ENTREP1: variants seen among roughly 807,000 people sequenced by gnomAD.
The protein encoded by ENTREP1 is Friedreich ataxia region gene X123.
At chr9:69,350,739 A>T in the ENTREP1 span, among the ~76,000 whole-genome samples, 8 of 152,156 alleles carry the variant, frequency 5.3e-5, no homozygotes, top group Admixed American at 1.3e-4. Flanking sequence ...AATAGGCTGG[A>T]TATAGAATCC....
At chr9:69,381,712 A>T in the ENTREP1 span, 1 of 152,204 alleles carries the variant, frequency 6.6e-6, no homozygotes, top group Non-Finnish European at 1.5e-5. Context: ...ATTTCCCTCC[A>T]CAGACCCTTG....
the ENTREP1 span, chr9:69,388,312 G>C: frequency 1.2e-6 from 2 of 1,614,192 alleles, no homozygotes; most frequent in Non-Finnish European, 1.7e-6. Context: ...CCAAGCTGCT[G>C]GTGGCGAGGT....
At chr9:69,342,992 A>G in the ENTREP1 span, among the ~76,000 whole-genome samples, 1 of 152,252 alleles carries the variant, frequency 6.6e-6, no homozygotes, top group Non-Finnish European at 1.5e-5. Context: ...AGACCTGGGC[A>G]GTACCTTGTT....
At chr9:69,383,258 T>C in the ENTREP1 span, 1 of 671,636 alleles carries the variant, frequency 1.5e-6, no homozygotes, top group Non-Finnish European at 1.9e-6. Context: ...CATCTTTATC[T>C]AGTTCCAAAG....
At chr9:69,343,919 C>T in the ENTREP1 span, among the ~76,000 whole-genome samples, 1 of 152,136 alleles carries the variant, frequency 6.6e-6, no homozygotes, top group Non-Finnish European at 1.5e-5. Context: ...TAGCTTGGAC[C>T]AACCAATGTA....
chr9:69,387,626 G>T, the ENTREP1 span: 1 of 251,340 alleles, frequency 4.0e-6, no homozygotes, highest in Non-Finnish European at 7.8e-6. Context: ...TCATATCCAT[G>T]GTGTGAGCAT....
chr9:69,337,693 G>A, the ENTREP1 span, among the ~76,000 whole-genome samples: 151,634 of 152,268 alleles, frequency 1, 75,502 homozygotes, highest in East Asian at 1. Flanking sequence ...CTTACCATTT[G>A]AAGTGGATCA....
chr9:69,387,772 TCGCTCC>T, the ENTREP1 span: 1 of 604,446 alleles, frequency 1.7e-6, no homozygotes, highest in Non-Finnish European at 2.5e-6. Context: ...TACTTCATCC[TCGCTCC>T]TTGGAACATC....
the ENTREP1 span, among the ~76,000 whole-genome samples, chr9:69,364,948 T>C: frequency 2.0e-5 from 3 of 152,104 alleles, no homozygotes; most frequent in South Asian, 4.1e-4. Context: ...AGGAGGGAAA[T>C]GAAGCCTACC....
chr9:69,358,616 A>G, the ENTREP1 span, among the ~76,000 whole-genome samples: 8 of 152,210 alleles, frequency 5.3e-5, no homozygotes, highest in Non-Finnish European at 8.8e-5. Flanking sequence ...AAGACAAAAC[A>G]GAGTGTGAAA....
At chr9:69,355,311 T>C in the ENTREP1 span, among the ~76,000 whole-genome samples, 2 of 152,218 alleles carry the variant, frequency 1.3e-5, no homozygotes. Context: ...AGCACCTGCT[T>C]TGTGTCAGGC....
the ENTREP1 span, among the ~76,000 whole-genome samples, chr9:69,360,508 A>T: frequency 6.6e-6 from 1 of 152,170 alleles, no homozygotes; most frequent in Non-Finnish European, 1.5e-5. Context: ...AACAAAGGTT[A>T]ACTTGTTCAA....
the ENTREP1 span, chr9:69,375,730 G>A: frequency 1.2e-5 from 20 of 1,608,788 alleles, no homozygotes; most frequent in African/African-American, 1.2e-4. Context: ...CCTTTCCTCC[G>A]TTAAGGTGGA....
the ENTREP1 span, among the ~76,000 whole-genome samples, chr9:69,357,911 C>A: frequency 2.6e-5 from 4 of 152,218 alleles, no homozygotes; most frequent in East Asian, 7.7e-4. Flanking sequence ...TGAAATGCTT[C>A]CCCAAATTGA....
the ENTREP1 span, among the ~76,000 whole-genome samples, chr9:69,342,735 T>C: frequency 0.98 from 148,670 of 152,392 alleles, 72,553 homozygotes; most frequent in East Asian, 1. Context: ...AAGAGAAGAT[T>C]TGGCCTCTCA....
chr9:69,340,812 T>C, the ENTREP1 span, among the ~76,000 whole-genome samples: 10 of 70,074 alleles, frequency 1.4e-4, no homozygotes, highest in East Asian at 5.9e-4. Context: ...TGTGTGTGTG[T>C]ATGTGTGTGT....
chr9:69,337,793 T>C, the ENTREP1 span, among the ~76,000 whole-genome samples: 1 of 152,330 alleles, frequency 6.6e-6, no homozygotes, highest in African/African-American at 2.4e-5. Flanking sequence ...ACTTAAATTT[T>C]TTTTCTCTAT....
the ENTREP1 span, among the ~76,000 whole-genome samples, chr9:69,344,308 T>C: frequency 6.6e-6 from 1 of 152,160 alleles, no homozygotes; most frequent in Non-Finnish European, 1.5e-5. Flanking sequence ...CAAGTGATCA[T>C]ACATGTATGT....
the ENTREP1 span, among the ~76,000 whole-genome samples, chr9:69,340,779 G>A: frequency 6.9e-6 from 1 of 145,504 alleles, no homozygotes. Flanking sequence ...GTGTGTGTAT[G>A]TGTGTGTGCA....
Sources: gnomAD v4.1 joint callset for allele counts (sites outside exome capture counted in the v4.1 genomes callset) on GRCh38, gnomAD v4.1.1 for gene constraint, MANE v1.5 for transcripts, NCBI Gene and HGNC (gene_info 2026-07-23, HGNC 2026-07-21) for gene names.